PLAC9: variants seen among roughly 807,000 people sequenced by gnomAD.
PLAC9 encodes the protein placenta associated 9, also known as placenta-specific protein 9.
A neutral mutation model predicts 11.5 loss-of-function variants in PLAC9; 12 were observed. The ratio of observed to expected loss-of-function variants is 1.05; its 90% confidence interval spans 0.67 to 1.69. PLAC9 has a LOEUF of 1.69. PLAC9 is among the 40% of genes most tolerant of loss of function. PLAC9 has a pLI of 0.00. For missense variants in PLAC9, 132 were observed against 130.5 expected, an observed-to-expected ratio of 1.01 and a Z score of -0.06; for synonymous variants, 62 against 58.1, an observed-to-expected ratio of 1.07 and a Z score of -0.31.
chr10:80,135,405 A>G (rs1286337377), intron 1 of PLAC9, among the ~76,000 whole-genome samples: 1 of 145,582 alleles, frequency 6.9e-6, no homozygotes, highest in African/African-American at 2.5e-5. Flanking sequence ...AGCTCATCAC[A>G]ACCTCTGCCT....
intron 1 of PLAC9, among the ~76,000 whole-genome samples, chr10:80,138,607 AG>A (rs1310078553): frequency 6.6e-6 from 1 of 152,180 alleles, no homozygotes; most frequent in Non-Finnish European, 1.5e-5. Context: ...ATCACAGGGC[AG>A]GGGGTCCCCA....
chr10:80,134,330 C>G (rs1026860316), intron 1 of PLAC9, among the ~76,000 whole-genome samples: 6 of 148,940 alleles, frequency 4.0e-5, no homozygotes, highest in Non-Finnish European at 7.4e-5. Flanking sequence ...GTGGCACAAT[C>G]TCAGCTCACT....
intron 1 of PLAC9, among the ~76,000 whole-genome samples, chr10:80,134,714 T>C (rs1295706545): frequency 6.6e-6 from 1 of 152,206 alleles, no homozygotes; most frequent in Non-Finnish European, 1.5e-5. Context: ...TCAAATGTCC[T>C]TGATTGATTG....
rs114929421 is a variant in PLAC9 at position 80,141,960 on chromosome 10, G to A, written c.65-122G>A. On this transcript the variant is annotated intron_variant, in intron 1 of 3. Transcript: ENST00000372263. ...TCGCACACTGACCCCCACCTGGGCCGTCCTCCGCTTGCTCCTGAGTTTGCT... is the reference window on the plus strand; with the variant it reads ...TCGCACACTGACCCCCACCTGGGCCATCCTCCGCTTGCTCCTGAGTTTGCT... 4,206 of 594,086 alleles carry A rather than the reference G, an allele frequency of 7.1e-3. 134 individuals carry two copies. The African/African-American group carries it at 0.071, about 10-fold the overall frequency. The allele number at this position is 594,086 out of a possible 1,614,324, so 36.8% of individuals were successfully genotyped here.
intron 2 of PLAC9, 78 bp from the exon 3 acceptor site, chr10:80,144,145 T>C: frequency 6.2e-7 from 1 of 1,604,942 alleles, no homozygotes; most frequent in East Asian, 2.2e-5. Flanking sequence ...GACCGCCAGC[T>C]GCTCTCTTAG....
intron 3 of PLAC9, among the ~76,000 whole-genome samples, chr10:80,144,560 A>G (rs1313113679): frequency 1.4e-5 from 2 of 147,630 alleles, no homozygotes; most frequent in African/African-American, 5.0e-5. Context: ...GTGTCAAATG[A>G]GGTTCTGGAA....
chr10:80,144,239 TG>T lies in PLAC9; in HGVS notation c.181del (p.Asp61IlefsTer7). 1.2e-6 allele frequency: 2 copies of T among 1,614,046 alleles called. No homozygotes were observed. The highest frequency in any genetic ancestry group is 1.7e-6 in the Non-Finnish European group (2 of 1,179,996). The stretch of plus-strand genomic sequence containing the variant: ...CCACTCTAGATGGTAGAGAAGACCG[TG>T]GATCACCTGGGGACAGAGGTGAAAG... ...DVMEEMVEKT[V>X]DHLGTEVKGL... On this transcript the variant is annotated frameshift_variant, in exon 3 of 4. Coordinates refer to ENST00000372263, the MANE Select transcript of PLAC9 (RefSeq NM_001012973.3). LOFTEE classifies it high-confidence loss of function.
intron 1 of PLAC9, 39 bp downstream of exon 1, chr10:80,132,865 G>C (rs1463589631): frequency 1.4e-6 from 2 of 1,447,684 alleles, no homozygotes; most frequent in South Asian, 1.4e-5. Context: ...ACCTGGAGCC[G>C]GGGAGACCCG....
chr10:80,134,405 A>G (rs2132332022), intron 1 of PLAC9, among the ~76,000 whole-genome samples: 1 of 151,840 alleles, frequency 6.6e-6, no homozygotes, highest in Admixed American at 6.6e-5. Flanking sequence ...CTGGGACTAC[A>G]GGCACGCACC....
chr10:80,140,666 T>C (rs1355710809), intron 1 of PLAC9, among the ~76,000 whole-genome samples: 2 of 152,048 alleles, frequency 1.3e-5, no homozygotes, highest in African/African-American at 2.4e-5. Context: ...GCTCTGAGGG[T>C]TGATGGTGCC....
Position 80,145,027 on chromosome 10 carries a change from G to C in PLAC9, c.*117G>C. The C allele has an allele frequency of 7.7e-7, 1 of 1,298,382 alleles. No individual in the cohort carries two copies. Among genetic ancestry groups the C allele is most frequent in the Non-Finnish European group, 1.1e-6 (1 of 917,866 alleles). 80.4% of individuals were successfully genotyped at this position (1,298,382 alleles called of 1,614,324 possible). On this transcript the variant is annotated 3_prime_UTR_variant, in exon 4 of 4. Coordinates refer to ENST00000372263, the MANE Select transcript of PLAC9 (RefSeq NM_001012973.3). Reference sequence around the variant, plus strand: ...CTTCATGTGAAATAAAAGCTATTCTGGTCTCCTCTGTGTCTGCTGACAGAG... The same window carrying C: ...CTTCATGTGAAATAAAAGCTATTCTCGTCTCCTCTGTGTCTGCTGACAGAG...
chr10:80,136,981 T>A (rs1383836478), intron 1 of PLAC9, among the ~76,000 whole-genome samples: 1 of 152,244 alleles, frequency 6.6e-6, no homozygotes, highest in Non-Finnish European at 1.5e-5. Flanking sequence ...CAATCATTAG[T>A]GGCTGAACCA....
chr10:80,144,847 A>G (rs377049446), intron 3 of PLAC9, 53 bp from the exon 4 acceptor site: 53 of 1,533,296 alleles, frequency 3.5e-5, no homozygotes, highest in Non-Finnish European at 4.2e-5. Flanking sequence ...CCACGGGGGC[A>G]GGTACTCTGC....
intron 1 of PLAC9, among the ~76,000 whole-genome samples, chr10:80,134,774 C>G (rs1724329024): frequency 6.6e-6 from 1 of 152,136 alleles, no homozygotes; most frequent in Non-Finnish European, 1.5e-5. Context: ...AGGTTACATA[C>G]ACTGCATTTG....
intron 1 of PLAC9, among the ~76,000 whole-genome samples, chr10:80,136,655 ATTTT>A (rs1304676097): frequency 4.6e-5 from 6 of 131,350 alleles, no homozygotes; most frequent in African/African-American, 1.7e-4. Flanking sequence ...TTTAATTTTT[ATTTT>A]ATTTATTTAT....
chr10:80,145,039 G>A lies in PLAC9; in HGVS notation c.*129G>A. 1 of 1,220,048 alleles carries A rather than the reference G, an allele frequency of 8.2e-7. No individual in the cohort carries two copies. The highest frequency in any genetic ancestry group is 1.2e-6 in the Non-Finnish European group (1 of 847,600). 75.6% of individuals were successfully genotyped at this position (1,220,048 alleles called of 1,614,324 possible). A position where few individuals can be genotyped will look rare whatever the true frequency, so the allele number is the denominator to read the frequency against. ...TAAAAGCTATTCTGGTCTCCTCTGT[G>A]TCTGCTGACAGAGTAACCCGTTTAA... On this transcript the variant is annotated 3_prime_UTR_variant, in exon 4 of 4. Coordinates refer to ENST00000372263, the MANE Select transcript of PLAC9 (RefSeq NM_001012973.3).
chr10:80,133,526 G>T (rs576367508), intron 1 of PLAC9, among the ~76,000 whole-genome samples: 33 of 152,368 alleles, frequency 2.2e-4, no homozygotes, highest in Admixed American at 6.5e-4. Context: ...AGGTGGATCT[G>T]CAGTCAGTGA....
At chr10:80,138,739 C>T (rs1342608144) in intron 1 of PLAC9, among the ~76,000 whole-genome samples, 2 of 152,178 alleles carry the variant, frequency 1.3e-5, no homozygotes, top group East Asian at 1.9e-4. Context: ...CTCTGTCCTA[C>T]CTCAAGACCT....
chr10:80,144,722 G>A (rs1845081709), intron 3 of PLAC9, among the ~76,000 whole-genome samples, 178 bp from the exon 4 acceptor site: 1 of 152,168 alleles, frequency 6.6e-6, no homozygotes, highest in Non-Finnish European at 1.5e-5. Flanking sequence ...GGGAAGACGG[G>A]CGTCCCCACT....
Sources: gnomAD v4.1 joint callset for allele counts (sites outside exome capture counted in the v4.1 genomes callset) on GRCh38, gnomAD v4.1.1 for gene constraint, MANE v1.5 for transcripts, NCBI Gene and HGNC (gene_info 2026-07-23, HGNC 2026-07-21) for gene names.